Variants in FTO observed in about 807,000 individuals in gnomAD.
The protein encoded by FTO is alpha-ketoglutarate-dependent dioxygenase FTO.
Under a neutral mutation model 63.9 loss-of-function variants are expected in FTO, and 47 were observed. The ratio of observed to expected loss-of-function variants is 0.74; its 90% CI spans 0.58 to 0.94. FTO has a LOEUF of 0.94. Ranked by LOEUF, FTO falls within the 40% of genes least tolerant of loss-of-function variation. The pLI, the probability that FTO is intolerant of heterozygous loss-of-function variation, is 0.00. For missense variants in FTO, 562 were observed against 618.1 expected (o/e 0.91, Z 0.96); for synonymous variants, 207 against 224.4 (o/e 0.92, Z 0.69).
intron 3 of FTO, among the ~76,000 whole-genome samples, chr16:53,831,242 A>G (rs2151789026): frequency 6.6e-6 from 1 of 152,322 alleles, no homozygotes; most frequent in Middle Eastern, 3.4e-3. Flanking sequence ...TTAGCGTCCC[A>G]GCATCCCTGT....
rs137961977 is a variant in FTO, at chr16:53,784,854, C to T, written c.46-25286C>T. Among the ~76,000 whole-genome samples, 125 of 152,086 alleles carry T rather than the reference C, an allele frequency of 8.2e-4. 1 individual carries two copies. Among genetic ancestry groups the T allele is most frequent in the Non-Finnish European group, 1.4e-3 (98 of 68,010 alleles). On this transcript the variant is annotated intron_variant, in intron 1 of 8. Transcript: ENST00000471389. Reference sequence around the variant, plus strand: ...CATCAAAGCTGTTTCAATGTGTCAACGAACTCAGTTCATTTACCTCTGCCA... The same window carrying T: ...CATCAAAGCTGTTTCAATGTGTCAATGAACTCAGTTCATTTACCTCTGCCA...
intron 8 of FTO, among the ~76,000 whole-genome samples, chr16:53,984,736 G>A (rs1157975809): frequency 6.6e-6 from 1 of 152,200 alleles, no homozygotes; most frequent in Admixed American, 6.5e-5. Flanking sequence ...AAACAGAAAT[G>A]CTGAGTAATG....
chr16:54,090,389 G>A (rs965118421), intron 8 of FTO, among the ~76,000 whole-genome samples: 5 of 152,170 alleles, frequency 3.3e-5, no homozygotes, highest in African/African-American at 1.2e-4. Context: ...AGGGAAATGG[G>A]GAGTTTGTTG....
At chr16:54,030,797 A>G (rs183830546) in intron 8 of FTO, among the ~76,000 whole-genome samples, 166 of 152,362 alleles carry the variant, frequency 1.1e-3, no homozygotes, top group Non-Finnish European at 1.8e-3. Context: ...TTTAAAGAAC[A>G]GTTCAAGATA....
At chr16:53,825,448 T>G (rs2078977858) in intron 2 of FTO, among the ~76,000 whole-genome samples, 1 of 152,160 alleles carries the variant, frequency 6.6e-6, no homozygotes, top group South Asian at 2.1e-4. Flanking sequence ...ATACTATGCC[T>G]AGAGTTAAAA....
chr16:53,875,872 G>A (rs998167176), intron 5 of FTO, among the ~76,000 whole-genome samples: 6 of 152,186 alleles, frequency 3.9e-5, no homozygotes, highest in African/African-American at 1.2e-4. Context: ...TATTTTTAAT[G>A]GAGATGGGGC....
intron 1 of FTO, among the ~76,000 whole-genome samples, chr16:53,723,598 C>T (rs375587219): frequency 2.6e-4 from 39 of 152,284 alleles, no homozygotes; most frequent in Admixed American, 1.0e-3. Context: ...AACTTTATTC[C>T]CCATGCCTCA....
chr16:54,007,918 A>T (rs2084248570), intron 8 of FTO, among the ~76,000 whole-genome samples: 1 of 152,248 alleles, frequency 6.6e-6, no homozygotes, highest in African/African-American at 2.4e-5. Flanking sequence ...ACTAACAATT[A>T]AACTCAGCTA....
intron 8 of FTO, among the ~76,000 whole-genome samples, chr16:53,997,531 A>G (rs2083968019): frequency 1.7e-5 from 2 of 116,424 alleles, no homozygotes; most frequent in Non-Finnish European, 3.2e-5. Context: ...AAGAAGGGAT[A>G]GGATTTTGCC....
At position 53,750,583 on chromosome 16, in the gene FTO, G is replaced by A. The variant is rs570643555; in HGVS notation, c.45+46354G>A. 2.1e-4 allele frequency among the ~76,000 whole-genome samples: 32 copies of A among 152,270 alleles called. No homozygotes were observed. The East Asian group carries it at 5.6e-3, about 27-fold the overall frequency. On this transcript the variant is annotated intron_variant, in intron 1 of 8. Transcript: ENST00000471389. ...TTAAAAGATTATAAAGAAAAACAAA[G>A]AAGAAGAAGAATATTTAATAGGGGC...
At chr16:53,944,473 AGTT>A (rs2082611160) in intron 8 of FTO, among the ~76,000 whole-genome samples, 1 of 152,234 alleles carries the variant, frequency 6.6e-6, no homozygotes, top group African/African-American at 2.4e-5. Flanking sequence ...ATTGTATAAA[AGTT>A]GTGCTACCTT....
chr16:53,839,754 A>G (rs8043785), intron 3 of FTO, among the ~76,000 whole-genome samples: 8,730 of 150,338 alleles, frequency 0.058, 700 homozygotes, highest in East Asian at 0.31. Context: ...TTTTCAAGTC[A>G]TTATAATTGG....
At chr16:53,704,057 T>C, upstream of FTO, 1 of 1,029,554 alleles carries the variant, frequency 9.7e-7, no homozygotes, top group Non-Finnish European at 1.5e-6. Flanking sequence ...GGAGTTGTAG[T>C]TTTTTCTACT....
chr16:53,906,420 C>T (rs2081542205), intron 7 of FTO, among the ~76,000 whole-genome samples: 1 of 151,896 alleles, frequency 6.6e-6, no homozygotes, highest in Admixed American at 6.6e-5. Context: ...AGGAAGGCTC[C>T]CTCACTTTAA....
At chr16:53,761,473 C>T (rs767300749) in intron 1 of FTO, among the ~76,000 whole-genome samples, 4 of 152,088 alleles carry the variant, frequency 2.6e-5, no homozygotes, top group Non-Finnish European at 5.9e-5. Context: ...TTTGAATCCA[C>T]CATGTTAGAA....
In FTO at chr16:53,865,357, C is replaced by T. The variant is rs185830881; in HGVS notation, c.896-8429C>T. On this transcript the variant is annotated intron_variant, in intron 4 of 8. Transcript: ENST00000471389. The stretch of plus-strand genomic sequence containing the variant: ...GAGAGAATGGCCACTTAGCCTTCCT[C>T]ATTAGGCCTTACAGCCACACTTCTG... Among the ~76,000 whole-genome samples, 18 of 152,292 alleles carry T rather than the reference C, an allele frequency of 1.2e-4. No individual in the cohort carries two copies. In the East Asian group the frequency reaches 3.5e-3, roughly 29 times the overall value.
At chr16:53,951,560 A>T (rs1404052588) in intron 8 of FTO, among the ~76,000 whole-genome samples, 1 of 152,154 alleles carries the variant, frequency 6.6e-6, no homozygotes, top group Non-Finnish European at 1.5e-5. Flanking sequence ...ACACTGATGA[A>T]TACTTTTTAT....
intron 8 of FTO, among the ~76,000 whole-genome samples, chr16:53,995,543 C>G (rs1257516742): frequency 6.6e-6 from 1 of 152,162 alleles, no homozygotes; most frequent in African/African-American, 2.4e-5. Context: ...AGCCAGGTAC[C>G]CTGGCAGCCA....
chr16:53,874,842 T>G (rs1472620729), intron 5 of FTO, among the ~76,000 whole-genome samples: 1 of 152,212 alleles, frequency 6.6e-6, no homozygotes, highest in African/African-American at 2.4e-5. Flanking sequence ...TTCTTCTCTT[T>G]TCCATTCACT....
Sources: gnomAD v4.1 joint callset for allele counts (sites outside exome capture counted in the v4.1 genomes callset) on GRCh38, gnomAD v4.1.1 for gene constraint, MANE v1.5 for transcripts, NCBI Gene and HGNC (gene_info 2026-07-23, HGNC 2026-07-21) for gene names.